The following VPS13B variants were observed in gnomAD, a reference collection of about 807,000 sequenced individuals.
VPS13B encodes intermembrane lipid transfer protein VPS13B.
Under a neutral mutation model 426.4 loss-of-function variants are expected in VPS13B, and 285 were observed. That is an observed-to-expected ratio of 0.67 (90% CI 0.61 to 0.74). The LOEUF (loss-of-function observed/expected upper bound fraction) is 0.74. Ranked by LOEUF, VPS13B falls within the 30% of genes least tolerant of loss-of-function variation. The pLI is 0.00. For missense variants in VPS13B, 4,537 were observed against 4,782.6 expected (o/e 0.95, Z 1.51); for synonymous variants, 1,676 against 1,676.4 (o/e 1.00, Z 0.01).
At chr8:99,076,848 T>C (rs1845153430) in intron 3 of VPS13B, among the ~76,000 whole-genome samples, 1 of 152,180 alleles carries the variant, frequency 6.6e-6, no homozygotes, top group South Asian at 2.1e-4. Context: ...GAATTTAATC[T>C]ATTTACATTC....
chr8:99,068,374 G>A (rs1025955802), intron 3 of VPS13B, among the ~76,000 whole-genome samples: 2 of 152,130 alleles, frequency 1.3e-5, no homozygotes, highest in African/African-American at 4.8e-5. Flanking sequence ...AGTTTATTCT[G>A]TAAATTTTTA....
chr8:99,251,983 T>C (rs1306071776), intron 17 of VPS13B, among the ~76,000 whole-genome samples: 1 of 151,654 alleles, frequency 6.6e-6, no homozygotes, highest in South Asian at 2.1e-4. Flanking sequence ...TAGAGTTTTT[T>C]CAGTTTTATT....
intron 19 of VPS13B, among the ~76,000 whole-genome samples, chr8:99,367,740 A>G (rs1004950697): frequency 2.0e-5 from 3 of 152,016 alleles, no homozygotes; most frequent in Non-Finnish European, 2.9e-5. Flanking sequence ...CCTGTCTTCA[A>G]CCTCCTGGGT....
At chr8:99,712,959 T>A (rs1563877173) in intron 36 of VPS13B, among the ~76,000 whole-genome samples, 2 of 152,082 alleles carry the variant, frequency 1.3e-5, no homozygotes, top group African/African-American at 4.8e-5. Flanking sequence ...CTCTAAGAGG[T>A]AGGCACTTTG....
chr8:99,624,007 A>ATATATATATATAT (rs1206203704), intron 33 of VPS13B, among the ~76,000 whole-genome samples: 3 of 101,102 alleles, frequency 3.0e-5, no homozygotes, highest in African/African-American at 1.3e-4. Flanking sequence ...ATATATATAT[A>ATATATATATATAT]TTTTTTTTTT....
chr8:99,408,214 A>G (rs1199603807), intron 21 of VPS13B, among the ~76,000 whole-genome samples: 3 of 152,124 alleles, frequency 2.0e-5, no homozygotes, highest in African/African-American at 4.8e-5. Context: ...TTTTTTGGCT[A>G]TTTTACCAAT....
intron 26 of VPS13B, 45 bp downstream of exon 26, chr8:99,501,903 C>T (rs1432451636): frequency 3.8e-6 from 5 of 1,331,248 alleles, no homozygotes; most frequent in Non-Finnish European, 5.1e-6. Flanking sequence ...TCTGTCCCTC[C>T]CTCCCTCCCT....
chr8:99,776,769 C>T lies in VPS13B; in HGVS notation c.7248-6C>T. ...TTGAACTTCTTTTATCACTTCTTTCCCATAGCTCTGCAAGTGAGTCTGGTT... is the reference window on the plus strand; with the variant it reads ...TTGAACTTCTTTTATCACTTCTTTCTCATAGCTCTGCAAGTGAGTCTGGTT... On this transcript the variant is annotated splice_polypyrimidine_tract_variant and splice_region_variant and intron_variant, in intron 40 of 61. Transcript: ENST00000357162. The T allele has an allele frequency of 6.2e-7, 1 of 1,613,932 alleles. No individual in the cohort carries two copies.
intron 33 of VPS13B, among the ~76,000 whole-genome samples, chr8:99,610,540 G>A (rs922032316): frequency 2.0e-5 from 3 of 149,612 alleles, no homozygotes; most frequent in African/African-American, 7.4e-5. Flanking sequence ...TGAACAATGA[G>A]AACACATGGA....
At chr8:99,476,555 C>A (rs1416448543) in intron 24 of VPS13B, among the ~76,000 whole-genome samples, 1 of 151,882 alleles carries the variant, frequency 6.6e-6, no homozygotes, top group Non-Finnish European at 1.5e-5. Context: ...AAGTAAAGAA[C>A]AAATATTGAA....
At chr8:99,063,254 A>T (rs1844293516) in intron 3 of VPS13B, among the ~76,000 whole-genome samples, 1 of 152,232 alleles carries the variant, frequency 6.6e-6, no homozygotes, top group African/African-American at 2.4e-5. Flanking sequence ...GGCAAGCCGA[A>T]GCAGGGCGGG....
intron 22 of VPS13B, among the ~76,000 whole-genome samples, chr8:99,439,226 C>T (rs1817556911): frequency 6.6e-6 from 1 of 152,100 alleles, no homozygotes; most frequent in Non-Finnish European, 1.5e-5. Flanking sequence ...ATTGTTTCTA[C>T]TTGTTGAACA....
At chr8:99,467,144 G>A (rs1198180689) in intron 23 of VPS13B, among the ~76,000 whole-genome samples, 2 of 152,084 alleles carry the variant, frequency 1.3e-5, no homozygotes, top group African/African-American at 4.8e-5. Flanking sequence ...ACCAACTAGG[G>A]TAAGGGAAGA....
At chr8:99,766,632 C>T in intron 39 of VPS13B, 142 bp from the exon 40 acceptor site, 1 of 716,668 alleles carries the variant, frequency 1.4e-6, no homozygotes, top group Non-Finnish European at 2.2e-6. Flanking sequence ...GAAAAGAAAT[C>T]CTAAACTACT....
At chr8:99,295,006 G>T (rs1021129147) in intron 19 of VPS13B, among the ~76,000 whole-genome samples, 1 of 151,836 alleles carries the variant, frequency 6.6e-6, no homozygotes, top group Non-Finnish European at 1.5e-5. Flanking sequence ...AATATTTGTT[G>T]GTATTAGAAA....
chr8:99,282,555 A>C (rs960785107), intron 19 of VPS13B, among the ~76,000 whole-genome samples: 2 of 152,166 alleles, frequency 1.3e-5, no homozygotes, highest in African/African-American at 4.8e-5. Context: ...ATGAAATTTC[A>C]CCTAATTGAT....
chr8:99,230,318 T>C (rs976977944), intron 17 of VPS13B, among the ~76,000 whole-genome samples: 105 of 152,324 alleles, frequency 6.9e-4, no homozygotes, highest in African/African-American at 2.4e-3. Context: ...CTCTCTGTTG[T>C]AGTACAGGAC....
At chr8:99,604,841 G>A (rs1025979017) in intron 33 of VPS13B, among the ~76,000 whole-genome samples, 1 of 151,936 alleles carries the variant, frequency 6.6e-6, no homozygotes, top group Non-Finnish European at 1.5e-5. Flanking sequence ...CTTTTAATTT[G>A]GATTTGTCTG....
chr8:99,183,129 A>T (rs1813033355), intron 16 of VPS13B, among the ~76,000 whole-genome samples: 1 of 152,214 alleles, frequency 6.6e-6, no homozygotes, highest in Non-Finnish European at 1.5e-5. Context: ...AATTGGAGGT[A>T]TCAGAATGAA....
Sources: allele counts gnomAD v4.1 joint callset (sites outside exome capture counted in the v4.1 genomes callset), GRCh38; gene constraint gnomAD v4.1.1; transcripts MANE v1.5; gene names NCBI Gene and HGNC (gene_info 2026-07-23, HGNC 2026-07-21).